The following HECW2 variants were observed in gnomAD, a reference collection of about 807,000 sequenced individuals.
HECW2 encodes HECT, C2 and WW domain containing E3 ubiquitin protein ligase 2, also known as E3 ubiquitin-protein ligase HECW2.
A neutral mutation model predicts 175.2 loss-of-function variants in HECW2; 61 were observed. The observed-to-expected ratio is 0.35, with a 90% CI of 0.28 to 0.43. HECW2 has a LOEUF of 0.43. Ranked by LOEUF, HECW2 falls within the 20% of genes least tolerant of loss-of-function variation. HECW2 has a pLI of 1.00. For synonymous variants in HECW2, 671 were observed against 731.0 expected (o/e 0.92, Z 1.32); for missense variants, 1,524 against 2,000.5 (o/e 0.76, Z 4.54).
At chr2:196,467,983 G>A (rs186099251) in intron 1 of HECW2, among the ~76,000 whole-genome samples, 1 of 152,222 alleles carries the variant, frequency 6.6e-6, no homozygotes, top group East Asian at 1.9e-4. Context: ...ATAGCCAGTA[G>A]CCGGTAACAA....
At chr2:196,441,720 T>C (rs923211352) in intron 1 of HECW2, among the ~76,000 whole-genome samples, 3 of 152,312 alleles carry the variant, frequency 2.0e-5, no homozygotes, top group East Asian at 1.9e-4. Flanking sequence ...GTGTTTATCA[T>C]AGATAATCAT....
At position 196,265,246 on chromosome 2, in the gene HECW2, A is replaced by G. The variant is rs115396122; in HGVS notation, c.3335+5947T>C. On this transcript the variant is annotated intron_variant, in intron 17 of 28. Transcript: ENST00000644978. ...ACGCCTATAATCCCAACACTTTGGG[A>G]GGCCCAGGAAGGCAGATCACTTGAG... Among the ~76,000 whole-genome samples, 687 of 152,352 alleles carry G rather than the reference A, an allele frequency of 4.5e-3. 4 individuals carry two copies. Among genetic ancestry groups the G allele is most frequent in the African/African-American group, 0.016 (672 of 41,580 alleles).
At chr2:196,331,269 T>C (rs1011074480) in intron 4 of HECW2, 2 of 984,854 alleles carry the variant, frequency 2.0e-6, no homozygotes, top group African/African-American at 3.5e-5. Flanking sequence ...TATATTGTAT[T>C]GTACTCCTCT....
At chr2:196,390,074 A>C (rs1694461199) in intron 2 of HECW2, among the ~76,000 whole-genome samples, 1 of 152,194 alleles carries the variant, frequency 6.6e-6, no homozygotes, top group Admixed American at 6.5e-5. Context: ...ATGGCATGAA[A>C]TACTGATATT....
rs923440177 is a variant in HECW2 at position 196,199,153 on chromosome 2, C to G, written c.*2124G>C. On this transcript the variant is annotated 3_prime_UTR_variant, in exon 29 of 29. Transcript: ENST00000644978. ...TTATCTGCTGCTTGGAGAATGCCAG[C>G]CCTGAAACATCTTGTATACCATCAA... is the stretch of plus-strand genomic sequence containing the variant. 6.6e-6 allele frequency: 1 copy of G among 152,272 alleles called. No homozygotes were observed. The highest frequency in any genetic ancestry group is 1.9e-4 in the East Asian group (1 of 5,190). 9.4% of individuals were successfully genotyped at this position (152,272 alleles called of 1,614,324 possible). A position where few individuals can be genotyped will look rare whatever the true frequency, so the allele number is the denominator to read the frequency against.
chr2:196,280,501 A>C (rs566129546), intron 14 of HECW2, among the ~76,000 whole-genome samples: 10 of 152,322 alleles, frequency 6.6e-5, no homozygotes, highest in African/African-American at 2.4e-4. Flanking sequence ...CCAGAAAACA[A>C]AGCAGAAAAA....
intron 22 of HECW2, 74 bp from the exon 23 acceptor site, chr2:196,225,944 T>C (rs938817051): frequency 3.3e-6 from 3 of 909,280 alleles, no homozygotes; most frequent in Non-Finnish European, 5.5e-6. Flanking sequence ...CTTTCTAGAA[T>C]GCCTTCCAGC....
At chr2:196,384,284 T>C (rs1356026138) in intron 2 of HECW2, among the ~76,000 whole-genome samples, 4 of 152,062 alleles carry the variant, frequency 2.6e-5, no homozygotes, top group Admixed American at 1.3e-4. Flanking sequence ...ACAGGCTACA[T>C]AAAAAATTCT....
At chr2:196,481,712 G>A (rs924678408) in intron 1 of HECW2, among the ~76,000 whole-genome samples, 2 of 152,196 alleles carry the variant, frequency 1.3e-5, no homozygotes, top group African/African-American at 4.8e-5. Flanking sequence ...ACAAGAATCA[G>A]AAAACTTAAA....
chr2:196,561,621 T>G (rs1486334209), intron 1 of HECW2, among the ~76,000 whole-genome samples: 1 of 152,142 alleles, frequency 6.6e-6, no homozygotes, highest in African/African-American at 2.4e-5. Context: ...CTTTAAAATT[T>G]TTCTCTTTTG....
At chr2:196,296,123 G>A (rs1210158073) in intron 13 of HECW2, among the ~76,000 whole-genome samples, 2 of 151,830 alleles carry the variant, frequency 1.3e-5, no homozygotes, top group African/African-American at 2.4e-5. Flanking sequence ...CAAAAACTGT[G>A]TGTGTATAGA....
chr2:196,553,905 A>G (rs1689692079), intron 1 of HECW2, among the ~76,000 whole-genome samples: 1 of 152,186 alleles, frequency 6.6e-6, no homozygotes, highest in East Asian at 1.9e-4. Flanking sequence ...CACCTAACCA[A>G]TAAAAAACTC....
intron 1 of HECW2, among the ~76,000 whole-genome samples, chr2:196,536,782 C>T (rs145089961): frequency 1.2e-4 from 18 of 152,268 alleles, no homozygotes; most frequent in African/African-American, 4.1e-4. Context: ...GGCCACTGTG[C>T]TACTCAAACT....
intron 1 of HECW2, among the ~76,000 whole-genome samples, chr2:196,565,248 C>A (rs965938124): frequency 1.3e-5 from 2 of 152,058 alleles, no homozygotes; most frequent in African/African-American, 2.4e-5. Flanking sequence ...CCAAAAGCTG[C>A]AGGTTAAATC....
intron 21 of HECW2, chr2:196,238,637 G>A (rs1226436515): frequency 1.3e-5 from 2 of 152,166 alleles, no homozygotes; most frequent in Non-Finnish European, 2.9e-5. Flanking sequence ...TATGCAGAGT[G>A]AACAGATTAA....
At chr2:196,529,248 G>A (rs1014052224) in intron 1 of HECW2, among the ~76,000 whole-genome samples, 2 of 152,168 alleles carry the variant, frequency 1.3e-5, no homozygotes, top group South Asian at 2.1e-4. Context: ...TATTTTGGAA[G>A]GGGAATATGG....
intron 2 of HECW2, among the ~76,000 whole-genome samples, chr2:196,407,227 A>T (rs530393550): frequency 6.9e-6 from 1 of 144,010 alleles, no homozygotes; most frequent in African/African-American, 2.8e-5. Flanking sequence ...TTTTTTTTTA[A>T]GACAGGGTCT....
chr2:196,589,937 T>C (rs1392841653), intron 1 of HECW2, among the ~76,000 whole-genome samples: 1 of 152,232 alleles, frequency 6.6e-6, no homozygotes, highest in Non-Finnish European at 1.5e-5. Flanking sequence ...TTATTCACTA[T>C]GTGTGTAAAT....
intron 2 of HECW2, among the ~76,000 whole-genome samples, chr2:196,384,658 C>A (rs997959643): frequency 6.6e-6 from 1 of 152,128 alleles, no homozygotes; most frequent in Non-Finnish European, 1.5e-5. Context: ...AGTATTTACA[C>A]AATGAAATGA....
Sources: gnomAD v4.1 joint callset for allele counts (sites outside exome capture counted in the v4.1 genomes callset) on GRCh38, gnomAD v4.1.1 for gene constraint, MANE v1.5 for transcripts, NCBI Gene and HGNC (gene_info 2026-07-23, HGNC 2026-07-21) for gene names.